Variants in AP3D1 observed in about 807,000 individuals in gnomAD.
AP3D1 encodes the protein adaptor related protein complex 3 subunit delta 1.
In AP3D1, 51 loss-of-function variants were observed where a neutral mutation model predicts 147.6. That is an observed-to-expected ratio of 0.35 (90% CI 0.28 to 0.44). The LOEUF is 0.44. Among genes scored for constraint, AP3D1 ranks in the 20% least tolerant of loss-of-function variants. The pLI is 1.00. For missense variants in AP3D1, 1,421 were observed against 1,624.2 expected, an observed-to-expected ratio of 0.87 and a Z score of 2.15; for synonymous variants, 760 against 663.0, an observed-to-expected ratio of 1.15 and a Z score of -2.25.
chr19:2,161,662 A>G (rs1209801521), intron 1 of AP3D1, among the ~76,000 whole-genome samples: 6 of 151,988 alleles, frequency 3.9e-5, no homozygotes, highest in African/African-American at 1.2e-4. Flanking sequence ...GAAAAAGAGG[A>G]GTGTGGCTGG....
At chr19:2,115,137 G>A in intron 20 of AP3D1, 82 bp downstream of exon 20, 1 of 1,402,184 alleles carries the variant, frequency 7.1e-7, no homozygotes, top group East Asian at 2.3e-5. Context: ...AGACCATGGG[G>A]AGAGGCCACT....
At chr19:2,130,147 T>C (rs2018896778) in intron 6 of AP3D1, among the ~76,000 whole-genome samples, 1 of 152,210 alleles carries the variant, frequency 6.6e-6, no homozygotes, top group African/African-American at 2.4e-5. Flanking sequence ...TAAGAGGGGC[T>C]GGCGGGGGTG....
intron 4 of AP3D1, chr19:2,133,345 C>T (rs1363228711): frequency 6.6e-6 from 1 of 152,244 alleles, no homozygotes; most frequent in Non-Finnish European, 1.5e-5. Flanking sequence ...GAATCTGCCC[C>T]AGCTCCTGTG....
intron 1 of AP3D1, among the ~76,000 whole-genome samples, chr19:2,143,233 T>A (rs113159362): frequency 6.8e-5 from 4 of 58,954 alleles, no homozygotes; most frequent in Non-Finnish European, 1.5e-4. Context: ...CTGCCTAATT[T>A]TTTTTTTTTT....
intron 4 of AP3D1, among the ~76,000 whole-genome samples, chr19:2,133,207 C>A (rs1436969073): frequency 6.6e-6 from 1 of 152,148 alleles, no homozygotes. Flanking sequence ...TCCCTTTCCG[C>A]AACAACTGAG....
intron 12 of AP3D1, 86 bp from the exon 13 acceptor site, chr19:2,121,397 G>C (rs1300575833): frequency 6.7e-6 from 10 of 1,491,206 alleles, no homozygotes; most frequent in Non-Finnish European, 9.2e-6. Context: ...TCCTGAGACA[G>C]AATCCACGGG....
intron 31 of AP3D1, among the ~76,000 whole-genome samples, chr19:2,104,627 C>T (rs2018059126): frequency 6.6e-6 from 1 of 151,358 alleles, no homozygotes; most frequent in Non-Finnish European, 1.5e-5. Flanking sequence ...AGGCCATCAG[C>T]GTACCAAGGT....
chr19:2,118,292 C>G (rs960392317), intron 15 of AP3D1, among the ~76,000 whole-genome samples: 1 of 152,214 alleles, frequency 6.6e-6, no homozygotes, highest in Non-Finnish European at 1.5e-5. Context: ...AGAGCCACTG[C>G]CAGCCCCAGG....
chr19:2,123,693 C>T (rs2018672288), intron 10 of AP3D1, 137 bp downstream of exon 10: 10 of 1,072,868 alleles, frequency 9.3e-6, no homozygotes, highest in Admixed American at 4.1e-5. Flanking sequence ...ACACAGGACG[C>T]GGCTGTGCCC....
At chr19:2,111,234 C>T in intron 26 of AP3D1, 51 bp downstream of exon 26, 5 of 1,609,520 alleles carry the variant, frequency 3.1e-6, no homozygotes, top group East Asian at 2.2e-5. Flanking sequence ...CGATCCCATG[C>T]CAAAGAGTGT....
chr19:2,142,836 C>T (rs900357972), intron 1 of AP3D1, among the ~76,000 whole-genome samples: 3 of 151,966 alleles, frequency 2.0e-5, no homozygotes, highest in African/African-American at 7.3e-5. Flanking sequence ...GATCTTGGCT[C>T]ACCACAACCT....
At chr19:2,150,814 A>G (rs2019486635) in intron 1 of AP3D1, among the ~76,000 whole-genome samples, 1 of 151,960 alleles carries the variant, frequency 6.6e-6, no homozygotes. Context: ...TCGGAAACAC[A>G]CTCAGGTTGA....
intron 15 of AP3D1, among the ~76,000 whole-genome samples, chr19:2,118,293 C>T (rs2018513928): frequency 6.6e-6 from 1 of 152,208 alleles, no homozygotes; most frequent in Admixed American, 6.5e-5. Context: ...GAGCCACTGC[C>T]AGCCCCAGGC....
intron 1 of AP3D1, among the ~76,000 whole-genome samples, chr19:2,140,783 G>A (rs569270761): frequency 1.3e-4 from 17 of 127,420 alleles, no homozygotes; most frequent in Non-Finnish European, 2.1e-4. Context: ...TTTTTGAGAC[G>A]GAGTCTCGCT....
At chr19:2,120,793 C>A in intron 14 of AP3D1, 69 bp downstream of exon 14, 1 of 1,475,414 alleles carries the variant, frequency 6.8e-7, no homozygotes. Flanking sequence ...ATCTGCCAGG[C>A]ACATCCCTGG....
In AP3D1 at chr19:2,101,870, C is replaced by T. The variant is rs2144973147; in HGVS notation, c.*303G>A. The T allele has an allele frequency of 2.7e-6, 1 of 370,870 alleles. No homozygotes were observed. The highest frequency in any genetic ancestry group is 5.0e-6 in the Non-Finnish European group (1 of 201,480). 23.0% of individuals were successfully genotyped at this position (370,870 alleles called of 1,614,324 possible). A position where few individuals can be genotyped will look rare whatever the true frequency, so the allele number is the denominator to read the frequency against. On this transcript the variant is annotated 3_prime_UTR_variant, in exon 32 of 32. Coordinates refer to ENST00000643116, the MANE Select transcript of AP3D1 (RefSeq NM_001261826.3). ...CCCAGGACAGGAGCCCCTGAAGCCA[C>T]ATTCAAGGACTCGGCCCCCAGCGCG...
At chr19:2,103,810 C>T (rs1171858944) in intron 31 of AP3D1, among the ~76,000 whole-genome samples, 1 of 152,194 alleles carries the variant, frequency 6.6e-6, no homozygotes, top group Non-Finnish European at 1.5e-5. Flanking sequence ...TACAGAGAGG[C>T]CCTCGGCAGA....
chr19:2,114,695 G>C, intron 21 of AP3D1, 53 bp downstream of exon 21: 1 of 1,430,438 alleles, frequency 7.0e-7, no homozygotes, highest in South Asian at 1.1e-5. Flanking sequence ...ACGAGAGGAA[G>C]GGAAGCAACC....
rs755014236 is a variant in AP3D1 at position 2,109,204 on chromosome 19, G to A, written c.3354C>T (p.Asp1118=). ...CAGACTCCAGCAACTTAGCAAAGGCGTCACTGTGGGAGGGACAGGGAGGCT... is the reference window on the plus strand; with the variant it reads ...CAGACTCCAGCAACTTAGCAAAGGCATCACTGTGGGAGGGACAGGGAGGCT... The part of the protein sequence containing the change: ...SYLITTPCYS[D]AFAKLLESGD... The change falls in exon 30 of 32, where the codon GAC becomes GAT. Residue 1118 remains aspartate (D), a synonymous_variant. Transcript: ENST00000643116. 23 of 1,597,138 alleles carry A rather than the reference G, an allele frequency of 1.4e-5. No homozygotes were observed. Among genetic ancestry groups the A allele is most frequent in the East Asian group, 2.2e-5 (1 of 44,466 alleles).
Sources: allele counts gnomAD v4.1 joint callset (sites outside exome capture counted in the v4.1 genomes callset), GRCh38; gene constraint gnomAD v4.1.1; transcripts MANE v1.5; gene names NCBI Gene and HGNC (gene_info 2026-07-23, HGNC 2026-07-21).